The following NINL variants were observed in gnomAD, a reference collection of about 807,000 sequenced individuals.
NINL encodes the protein ninein-like protein.
A neutral mutation model predicts 160.3 loss-of-function variants in NINL; 153 were observed. The observed-to-expected ratio is 0.95, with a 90% CI of 0.84 to 1.09. The LOEUF (loss-of-function observed/expected upper bound fraction) is 1.09. Among genes scored for constraint, NINL ranks in the 50% least tolerant of loss-of-function variants. The pLI is 0.00. For synonymous variants in NINL, 800 were observed against 734.8 expected (o/e 1.09, Z -1.43); for missense variants, 1,829 against 1,764.0 (o/e 1.04, Z -0.66).
intron 1 of NINL, among the ~76,000 whole-genome samples, chr20:25,581,332 C>T (rs896588418): frequency 2.0e-5 from 3 of 152,044 alleles, no homozygotes; most frequent in African/African-American, 4.8e-5. Flanking sequence ...ATCCCAGCTA[C>T]TCAGGAAGCT....
At chr20:25,533,893 G>C (rs1242399310) in intron 1 of NINL, among the ~76,000 whole-genome samples, 2 of 152,208 alleles carry the variant, frequency 1.3e-5, no homozygotes, top group African/African-American at 4.8e-5. Flanking sequence ...CAGAGAGAAA[G>C]CTTCATGATG....
rs780812962 is a variant in NINL, at chr20:25,496,743, G to A, written c.1230C>T (p.Ala410=). 3.7e-6 allele frequency: 6 copies of A among 1,613,842 alleles called. No homozygotes were observed. Among genetic ancestry groups the A allele is most frequent in the East Asian group, 2.2e-5 (1 of 44,888 alleles). ...TCACAAACTCCAGGTTCCTCTTCTC[G>A]GCCCTCTCCAGGTCCTGCCTTGCCT... The part of the protein sequence containing the change: ...RDKARQDLER[A]EKRNLEFVKE... Residue 410 remains alanine (A), a synonymous_variant, in exon 10 of 24, where the codon GCC becomes GCT. Coordinates refer to ENST00000278886, the MANE Select transcript of NINL (RefSeq NM_025176.6).
In NINL at chr20:25,480,243, G is replaced by A. The variant is rs745811098; in HGVS notation, c.1835C>T (p.Ala612Val). The A allele has an allele frequency of 6.2e-7, 1 of 1,613,964 alleles. No homozygotes were observed. Among genetic ancestry groups the A allele is most frequent in the East Asian group, 2.2e-5 (1 of 44,880 alleles). The change falls in exon 15 of 24, where the codon GCT becomes GTT. Residue 612 changes from alanine to valine, a missense_variant. Ala to Val is a moderately conservative substitution (Grantham distance 64). Coordinates refer to ENST00000278886, the MANE Select transcript of NINL (RefSeq NM_025176.6). ...PAGISFLGNSAPVSIETELMM... is the reference protein window; with the variant it reads ...PAGISFLGNSVPVSIETELMM... ...CAGCTCCGTTTCTATACTCACTGGAGCAGAATTACCCAGGAATGAAATGCC... is the reference window on the plus strand; with the variant it reads ...CAGCTCCGTTTCTATACTCACTGGAACAGAATTACCCAGGAATGAAATGCC...
At position 25,476,527 on chromosome 20, in the gene NINL, C is replaced by A; in HGVS notation, c.2764G>T (p.Glu922Ter). Residue 922 changes from glutamate (E) to a stop codon, truncating the protein, a stop_gained, in exon 17 of 24, where the codon GAG becomes TAG. Coordinates refer to ENST00000278886, the MANE Select transcript of NINL (RefSeq NM_025176.6). LOFTEE classifies it high-confidence loss of function. ...GCGCTCGCGCCGAAAGGCTCTGGCT[C>A]CTTTGGGACAATATCCCCATCCACT... Reference protein sequence around the residue: ...CGVDGDIVPKEPEPFGASAAG... With the variant: ...CGVDGDIVPK 2.5e-6 allele frequency: 4 copies of A among 1,601,062 alleles called. No individual in the cohort carries two copies. In the East Asian group the frequency reaches 8.9e-5, roughly 36 times the overall value.
intron 22 of NINL, among the ~76,000 whole-genome samples, chr20:25,457,983 C>G (rs2090733362): frequency 6.6e-6 from 1 of 152,222 alleles, no homozygotes; most frequent in Admixed American, 6.5e-5. Flanking sequence ...GTGCTCCGAG[C>G]TACTGTCTCC....
chr20:25,458,781 G>A (rs1600984011), intron 21 of NINL: 1 of 496,636 alleles, frequency 2.0e-6, no homozygotes, highest in East Asian at 3.5e-5. Flanking sequence ...TGGTGACGCT[G>A]ACCTCCTGTC....
At chr20:25,504,771 G>C in intron 6 of NINL, 117 bp downstream of exon 6, 3 of 1,069,764 alleles carry the variant, frequency 2.8e-6, no homozygotes, top group Non-Finnish European at 4.0e-6. Flanking sequence ...AAGGATTTTA[G>C]ATTAGAAAGT....
chr20:25,507,924 G>A (rs545060371), intron 5 of NINL, among the ~76,000 whole-genome samples: 8 of 152,326 alleles, frequency 5.3e-5, no homozygotes, highest in Middle Eastern at 6.8e-3. Context: ...GTGCACTACC[G>A]TCTGTCAGCT....
At chr20:25,477,452 C>T (rs753902715) in intron 16 of NINL, among the ~76,000 whole-genome samples, 13 of 152,236 alleles carry the variant, frequency 8.5e-5, no homozygotes, top group South Asian at 4.1e-4. Context: ...AGACATACGA[C>T]GTGGCCCACA....
chr20:25,536,717 CAA>C (rs1219716078), intron 1 of NINL, among the ~76,000 whole-genome samples: 17 of 132,648 alleles, frequency 1.3e-4, no homozygotes, highest in Non-Finnish European at 1.1e-4. Context: ...AGACTGTCTC[CAA>C]AAAAAAAAAA....
intron 1 of NINL, among the ~76,000 whole-genome samples, chr20:25,528,997 GA>G (rs1383890821): frequency 1.3e-5 from 2 of 152,222 alleles, no homozygotes; most frequent in Non-Finnish European, 2.9e-5. Flanking sequence ...ACAGGGTACG[GA>G]AGTTGGAGTC....
chr20:25,481,067 G>A (rs2063377894), intron 14 of NINL, among the ~76,000 whole-genome samples: 1 of 152,150 alleles, frequency 6.6e-6, no homozygotes, highest in Non-Finnish European at 1.5e-5. Context: ...ATGCACAAAA[G>A]CCCCGACTAG....
intron 21 of NINL, among the ~76,000 whole-genome samples, chr20:25,459,477 G>A (rs958895850): frequency 6.6e-6 from 1 of 152,202 alleles, no homozygotes; most frequent in East Asian, 1.9e-4. Flanking sequence ...GTTTGAGACA[G>A]AAAAGGAGGG....
chr20:25,501,386 A>G (rs2063865098), intron 7 of NINL, among the ~76,000 whole-genome samples: 1 of 152,242 alleles, frequency 6.6e-6, no homozygotes, highest in African/African-American at 2.4e-5. Flanking sequence ...TCGCAGAGGC[A>G]GGGGCCCATA....
At chr20:25,573,159 T>G (rs2065073731) in intron 1 of NINL, among the ~76,000 whole-genome samples, 1 of 152,048 alleles carries the variant, frequency 6.6e-6, no homozygotes, top group African/African-American at 2.4e-5. Flanking sequence ...TAGCTGGGCA[T>G]GGTGGCACAT....
At chr20:25,519,675 T>C (rs2064226811) in intron 2 of NINL, among the ~76,000 whole-genome samples, 2 of 152,094 alleles carry the variant, frequency 1.3e-5, no homozygotes, top group Non-Finnish European at 2.9e-5. Context: ...AAACCACTAA[T>C]AGACACAGTA....
At chr20:25,546,456 G>T (rs2064733635) in intron 1 of NINL, among the ~76,000 whole-genome samples, 1 of 152,074 alleles carries the variant, frequency 6.6e-6, no homozygotes. Flanking sequence ...ACCCAAAAAA[G>T]ATCTAGAATA....
At chr20:25,558,810 T>C (rs1192751150) in intron 1 of NINL, among the ~76,000 whole-genome samples, 1 of 152,226 alleles carries the variant, frequency 6.6e-6, no homozygotes, top group Admixed American at 6.5e-5. Context: ...AATAGGTGTA[T>C]TCTGAGAACT....
At chr20:25,491,942 A>G (rs1272803826) in intron 10 of NINL, among the ~76,000 whole-genome samples, 1 of 152,226 alleles carries the variant, frequency 6.6e-6, no homozygotes, top group Non-Finnish European at 1.5e-5. Flanking sequence ...TGGACAGTGA[A>G]TTCCCAAAGC....
Sources: allele counts gnomAD v4.1 joint callset (sites outside exome capture counted in the v4.1 genomes callset), GRCh38; gene constraint gnomAD v4.1.1; transcripts MANE v1.5; gene names NCBI Gene and HGNC (gene_info 2026-07-23, HGNC 2026-07-21).